Variants in HAUS6 observed in about 807,000 individuals in gnomAD.
HAUS6 encodes HAUS augmin like complex subunit 6, also known as HAUS augmin-like complex subunit 6.
HAUS6 carries 80 observed loss-of-function variants against 106.8 expected under a neutral mutation model. That is an observed-to-expected ratio of 0.75 (90% CI 0.63 to 0.90). The LOEUF is 0.90. Ranked by LOEUF, HAUS6 falls within the 40% of genes least tolerant of loss-of-function variation. HAUS6 has a pLI of 0.00. For missense variants in HAUS6, 1,155 were observed against 1,118.1 expected (o/e 1.03, Z -0.47); for synonymous variants, 356 against 379.1 (o/e 0.94, Z 0.71).
intron 1 of HAUS6, among the ~76,000 whole-genome samples, chr9:19,100,547 G>A (rs1817966328): frequency 2.0e-5 from 3 of 152,174 alleles, no homozygotes; most frequent in East Asian, 3.9e-4. Context: ...AAAAATAGAA[G>A]TACCCTATGA....
At position 19,102,601 on chromosome 9, in the gene HAUS6, A is replaced by G. The variant is rs1037999547; in HGVS notation, c.51T>C (p.Tyr17=). ...CTGGCTCGAAGCCGAGCGCCTGCAGATACATCCAGAGATGCTCCTTCTCGA... is the reference window on the plus strand; with the variant it reads ...CTGGCTCGAAGCCGAGCGCCTGCAGGTACATCCAGAGATGCTCCTTCTCGA... The part of the protein sequence containing the change: ...TAFEKEHLWM[Y]LQALGFEPGP... The change falls in exon 1 of 17, where the codon TAT becomes TAC. Residue 17 remains tyrosine (Y), a synonymous_variant. Transcript: ENST00000380502. The G allele has an allele frequency of 2.5e-6, 4 of 1,613,910 alleles. No homozygotes were observed. Among genetic ancestry groups the G allele is most frequent in the Admixed American group, 1.7e-5 (1 of 59,996 alleles).
At chr9:19,093,791 C>T (rs140317307) in intron 3 of HAUS6, among the ~76,000 whole-genome samples, 1 of 152,084 alleles carries the variant, frequency 6.6e-6, no homozygotes, top group Non-Finnish European at 1.5e-5. Context: ...ATCATTCGAA[C>T]CTGGGAGACA....
At position 19,060,883 on chromosome 9, in the gene HAUS6, C is replaced by T. The variant is rs570851665; in HGVS notation, c.1630-660G>A. On this transcript the variant is annotated intron_variant, in intron 14 of 16. Transcript: ENST00000380502. ...CCATAATTAAATTGACCCAAGAGGC[C>T]GGGCATGGTGGCTCACGCCTGTAAT... 2.0e-5 allele frequency among the ~76,000 whole-genome samples: 3 copies of T among 152,258 alleles called. No individual in the cohort carries two copies. In the South Asian group the frequency reaches 6.2e-4, roughly 32 times the overall value.
At chr9:19,064,267 C>T (rs531999283) in intron 12 of HAUS6, among the ~76,000 whole-genome samples, 9 of 152,010 alleles carry the variant, frequency 5.9e-5, no homozygotes, top group Non-Finnish European at 1.0e-4. Context: ...ACACCTGGCC[C>T]AGCAGACTTA....
chr9:19,089,286 G>C (rs939223896), intron 5 of HAUS6, 126 bp downstream of exon 5: 1 of 631,518 alleles, frequency 1.6e-6, no homozygotes, highest in South Asian at 2.0e-5. Context: ...GAAGTTATCT[G>C]ACTTTAAAAT....
intron 10 of HAUS6, among the ~76,000 whole-genome samples, chr9:19,077,359 ACC>A (rs1837032015): frequency 2.0e-5 from 3 of 152,002 alleles, no homozygotes; most frequent in Admixed American, 2.0e-4. Flanking sequence ...ACGTGGTAAA[ACC>A]CCATCTCTAC....
intron 2 of HAUS6, among the ~76,000 whole-genome samples, chr9:19,095,623 T>A (rs1434046114): frequency 6.6e-6 from 1 of 152,070 alleles, no homozygotes; most frequent in East Asian, 1.9e-4. Flanking sequence ...CTCAGAACTT[T>A]AAATAAAAGC....
In HAUS6 at chr9:19,058,252, C is replaced by A. The variant is rs754485651; in HGVS notation, c.2515G>T (p.Ala839Ser). The change falls in exon 16 of 17, where the codon GCT (alanine) becomes TCT (serine). Residue 839 changes from alanine to serine, a missense_variant. By Grantham distance (99) the Ala-to-Ser change is moderately conservative (BLOSUM62 1). Transcript: ENST00000380502. ...NLQALRSRYEALKKSLSKKRE... is the reference protein window; with the variant it reads ...NLQALRSRYESLKKSLSKKRE... ...TTCTTGGAAAGAGATTTCTTCAGAG[C>A]CTCGTATCTACTGCGAAGAGCCTGT... 22 of 1,613,690 alleles carry A rather than the reference C, an allele frequency of 1.4e-5. No individual in the cohort carries two copies. The highest frequency in any genetic ancestry group is 1.8e-5 in the Non-Finnish European group (21 of 1,179,816).
intron 5 of HAUS6, among the ~76,000 whole-genome samples, chr9:19,088,164 C>T (rs991216290): frequency 6.6e-6 from 1 of 152,204 alleles, no homozygotes; most frequent in Non-Finnish European, 1.5e-5. Context: ...CCTATAATCC[C>T]AGCACTTTGG....
intron 12 of HAUS6, among the ~76,000 whole-genome samples, chr9:19,069,725 G>A (rs1836847138): frequency 6.6e-6 from 1 of 152,068 alleles, no homozygotes; most frequent in Admixed American, 6.6e-5. Flanking sequence ...GCAAAATTAT[G>A]CACTATCCCA....
intron 14 of HAUS6, among the ~76,000 whole-genome samples, chr9:19,061,722 C>G (rs1386299446): frequency 1.3e-5 from 2 of 152,116 alleles, no homozygotes; most frequent in Non-Finnish European, 2.9e-5. Context: ...ATAGTCGTAG[C>G]TGTTTGGAAG....
rs528334558 is a variant in HAUS6 at position 19,072,163 on chromosome 9, C to G, written c.1295-1863G>C. 4.7e-5 allele frequency among the ~76,000 whole-genome samples: 7 copies of G among 149,564 alleles called. No homozygotes were observed. In the South Asian group the frequency reaches 1.5e-3, roughly 32 times the overall value. Reference sequence around the variant, plus strand: ...GGAAATCATGCCATTGCACTCCAGCCTGGGCAACAACAGTGAAACTCCCTC... The same window carrying G: ...GGAAATCATGCCATTGCACTCCAGCGTGGGCAACAACAGTGAAACTCCCTC... On this transcript the variant is annotated intron_variant, in intron 11 of 16. Transcript: ENST00000380502.
chr9:19,084,833 T>C (rs1837250538), intron 7 of HAUS6, among the ~76,000 whole-genome samples: 1 of 152,102 alleles, frequency 6.6e-6, no homozygotes, highest in Non-Finnish European at 1.5e-5. Flanking sequence ...GGTTTCACCA[T>C]GTTGGCCAGG....
chr9:19,092,623 A>G (rs1363721475), intron 4 of HAUS6, among the ~76,000 whole-genome samples: 25 of 116,062 alleles, frequency 2.2e-4, no homozygotes, highest in African/African-American at 7.6e-4. Flanking sequence ...TCTCGGAAAA[A>G]AAAAAAAAAA....
chr9:19,068,683 T>C (rs969620640), intron 12 of HAUS6, among the ~76,000 whole-genome samples: 10 of 150,754 alleles, frequency 6.6e-5, no homozygotes, highest in African/African-American at 2.5e-4. Flanking sequence ...GAAGTTGTAA[T>C]GAAAGACACC....
At chr9:19,081,556 C>G (rs1462745787) in intron 8 of HAUS6, among the ~76,000 whole-genome samples, 1 of 152,044 alleles carries the variant, frequency 6.6e-6, no homozygotes, top group African/African-American at 2.4e-5. Context: ...CCTCCCACCT[C>G]AGCCTCCCAA....
Position 19,089,413 on chromosome 9 carries a change from G to A in HAUS6, c.583C>T (p.Gln195Ter), listed in dbSNP as rs1817697853. The stretch of plus-strand genomic sequence containing the variant: ...TCTAACTATCAAGGTACTACTTACT[G>A]TGCATTTTCCTGATATTTTTGGGTA... ...CVTQKYQENA[Q>*]LSVKQVRNLR... The change falls in exon 5 of 17, where the codon CAA becomes TAA. Residue 195 changes from glutamine to a stop codon, truncating the protein, a stop_gained and splice_region_variant. Coordinates refer to ENST00000380502, the MANE Select transcript of HAUS6 (RefSeq NM_017645.5). LOFTEE classifies it high-confidence loss of function. The A allele has an allele frequency of 2.5e-6, 4 of 1,593,774 alleles. No homozygotes were observed. The highest frequency in any genetic ancestry group is 3.4e-6 in the Non-Finnish European group (4 of 1,161,744).
rs1027796539 is a variant in HAUS6 at position 19,054,668 on chromosome 9, C to G, written c.*1675G>C. ...CCTATCAGATAGTTACCAATCTCTA[C>G]CCAAGTATATATGCAACAACGTACC... is the stretch of plus-strand genomic sequence containing the variant. On this transcript the variant is annotated 3_prime_UTR_variant, in exon 17 of 17. Coordinates refer to ENST00000380502, the MANE Select transcript of HAUS6 (RefSeq NM_017645.5). 6 of 152,298 alleles carry G rather than the reference C, an allele frequency of 3.9e-5. No individual in the cohort carries two copies. Among genetic ancestry groups the G allele is most frequent in the Admixed American group, 3.9e-4 (6 of 15,298 alleles). The allele number at this position is 152,298 out of a possible 1,614,324, so 9.4% of individuals were successfully genotyped here. A position where few individuals can be genotyped will look rare whatever the true frequency, so the allele number is the denominator to read the frequency against.
chr9:19,072,203 G>A (rs1588607252), intron 11 of HAUS6, among the ~76,000 whole-genome samples: 3 of 138,542 alleles, frequency 2.2e-5, no homozygotes, highest in Admixed American at 7.1e-5. Context: ...AAAAAAAAAA[G>A]AAAAGAAAAA....
Sources: gnomAD v4.1 joint callset for allele counts (sites outside exome capture counted in the v4.1 genomes callset) on GRCh38, gnomAD v4.1.1 for gene constraint, MANE v1.5 for transcripts, NCBI Gene and HGNC (gene_info 2026-07-23, HGNC 2026-07-21) for gene names.